The following SUGCT variants were observed in gnomAD, a reference collection of about 807,000 sequenced individuals.
The protein encoded by SUGCT is succinyl-CoA:glutarate-CoA transferase.
In SUGCT, 41 loss-of-function variants were observed where a neutral mutation model predicts 55.0. That is an observed-to-expected ratio of 0.74 (90% CI 0.58 to 0.97). The LOEUF is 0.97. Ranked by LOEUF, SUGCT falls within the 50% of genes least tolerant of loss-of-function variation. The pLI is 0.00. For missense variants in SUGCT, 568 were observed against 547.8 expected (o/e 1.04, Z -0.37); for synonymous variants, 187 against 200.4 (o/e 0.93, Z 0.56).
intron 9 of SUGCT, among the ~76,000 whole-genome samples, chr7:40,432,225 G>A (rs1787929230): frequency 6.6e-6 from 1 of 152,078 alleles, no homozygotes; most frequent in Non-Finnish European, 1.5e-5. Context: ...CCTCATTTTT[G>A]AAGGATATTT....
At chr7:40,251,012 T>C (rs1025708724) in intron 7 of SUGCT, among the ~76,000 whole-genome samples, 4 of 151,778 alleles carry the variant, frequency 2.6e-5, no homozygotes, top group African/African-American at 9.7e-5. Context: ...TTTGTTTTAG[T>C]GGAGACGGGG....
chr7:40,251,894 CTTCGG>C (rs144563391), intron 7 of SUGCT, among the ~76,000 whole-genome samples: 60,414 of 150,194 alleles, frequency 0.4, 12,474 homozygotes, highest in East Asian at 0.5. Context: ...GTTCTCCTTT[CTTCGG>C]TTGTTAATAG....
intron 12 of SUGCT, among the ~76,000 whole-genome samples, chr7:40,580,621 ACAAAG>A (rs1170501566): frequency 6.6e-6 from 1 of 152,210 alleles, no homozygotes; most frequent in Non-Finnish European, 1.5e-5. Context: ...TCATGACTTC[ACAAAG>A]CAGAGGCATT....
intron 13 of SUGCT, among the ~76,000 whole-genome samples, chr7:40,758,709 C>T (rs966836998): frequency 1.3e-5 from 2 of 152,034 alleles, no homozygotes; most frequent in Admixed American, 6.6e-5. Context: ...ATGGCATTAA[C>T]AGTCAGCATG....
chr7:40,140,616 G>T (rs901970294), intron 1 of SUGCT, among the ~76,000 whole-genome samples: 8 of 151,812 alleles, frequency 5.3e-5, no homozygotes, highest in Non-Finnish European at 1.2e-4. Context: ...GGTAAAGCTG[G>T]TCTTGAACTC....
At chr7:40,928,197 A>G in the SUGCT span, among the ~76,000 whole-genome samples, 1 of 151,890 alleles carries the variant, frequency 6.6e-6, no homozygotes, top group Non-Finnish European at 1.5e-5. Context: ...CCCTATAAAA[A>G]CCTATGGATT....
intron 13 of SUGCT, among the ~76,000 whole-genome samples, chr7:40,823,541 C>T (rs1792140315): frequency 6.6e-6 from 1 of 152,116 alleles, no homozygotes; most frequent in South Asian, 2.1e-4. Context: ...CCATAGTTTT[C>T]CTTTTCCTCC....
At chr7:40,159,517 C>A (rs528179645) in intron 1 of SUGCT, among the ~76,000 whole-genome samples, 1 of 150,526 alleles carries the variant, frequency 6.6e-6, no homozygotes, top group South Asian at 2.1e-4. Context: ...ACTACAGGCA[C>A]GCACCACCAC....
At chr7:41,033,755 CA>C in the SUGCT span, among the ~76,000 whole-genome samples, 1 of 152,040 alleles carries the variant, frequency 6.6e-6, no homozygotes, top group Non-Finnish European at 1.5e-5. Context: ...TGTTTTGACT[CA>C]GGGGGTTCCT....
intron 13 of SUGCT, among the ~76,000 whole-genome samples, chr7:40,751,264 G>T (rs927813250): frequency 1.4e-4 from 21 of 152,120 alleles, no homozygotes; most frequent in African/African-American, 4.8e-4. Flanking sequence ...GAAAGGTGGG[G>T]AAGTGGGGCA....
chr7:40,865,306 G>A (rs965052559), downstream of SUGCT, among the ~76,000 whole-genome samples: 1 of 152,040 alleles, frequency 6.6e-6, no homozygotes, highest in African/African-American at 2.4e-5. Flanking sequence ...CAGTCTTTAG[G>A]AAGATAACTA....
At chr7:40,481,321 G>C (rs1339810175) in intron 11 of SUGCT, among the ~76,000 whole-genome samples, 1 of 151,752 alleles carries the variant, frequency 6.6e-6, no homozygotes, top group African/African-American at 2.4e-5. Flanking sequence ...CTAGGTGACA[G>C]AGTGAGACCC....
chr7:40,301,734 C>T (rs963243601), intron 8 of SUGCT, among the ~76,000 whole-genome samples: 9 of 152,160 alleles, frequency 5.9e-5, no homozygotes, highest in African/African-American at 2.2e-4. Context: ...TACAAGTAAT[C>T]GTCAGATTCA....
intron 13 of SUGCT, among the ~76,000 whole-genome samples, chr7:40,778,177 C>A (rs1251094134): frequency 2.0e-5 from 3 of 152,218 alleles, no homozygotes; most frequent in Non-Finnish European, 4.4e-5. Flanking sequence ...TTGTTTTACT[C>A]AGCTGTGGCC....
At position 40,648,751 on chromosome 7, in the gene SUGCT, T is replaced by G. The variant is rs1181319283; in HGVS notation, c.1090-100683T>G. Among the ~76,000 whole-genome samples, 4 of 152,320 alleles carry G rather than the reference T, an allele frequency of 2.6e-5. No homozygotes were observed. The East Asian group carries it at 7.7e-4, about 29-fold the overall frequency. ...GAAGTGTTATTGCTACTTTATTTCA[T>G]TTCAGCTACAAGTATGCCAAGGATG... On this transcript the variant is annotated intron_variant, in intron 12 of 13. Transcript: ENST00000335693.
intron 9 of SUGCT, among the ~76,000 whole-genome samples, chr7:40,360,685 TGAAG>T (rs1798109581): frequency 1.3e-5 from 2 of 152,138 alleles, no homozygotes; most frequent in South Asian, 4.1e-4. Context: ...GAGGCAGAGA[TGAAG>T]GGATTGGACT....
chr7:40,876,827 G>A, the SUGCT span, among the ~76,000 whole-genome samples: 1 of 152,172 alleles, frequency 6.6e-6, no homozygotes, highest in African/African-American at 2.4e-5. Context: ...TAGAGCCACA[G>A]GTTCCTGCTG....
intron 1 of SUGCT, among the ~76,000 whole-genome samples, chr7:40,160,417 CGGAGTTT>C (rs1784090377): frequency 6.6e-6 from 1 of 151,940 alleles, no homozygotes; most frequent in African/African-American, 2.4e-5. Context: ...TTAGTAGAGA[CGGAGTTT>C]CACCATGTTG....
intron 12 of SUGCT, among the ~76,000 whole-genome samples, chr7:40,563,801 A>G (rs560774875): frequency 6.6e-6 from 1 of 152,054 alleles, no homozygotes; most frequent in Non-Finnish European, 1.5e-5. Context: ...AGTGAAAGCA[A>G]TACTCCTTCT....
Sources: gnomAD v4.1 joint callset for allele counts (sites outside exome capture counted in the v4.1 genomes callset) on GRCh38, gnomAD v4.1.1 for gene constraint, MANE v1.5 for transcripts, NCBI Gene and HGNC (gene_info 2026-07-23, HGNC 2026-07-21) for gene names.